HSF2BP: variants seen among roughly 807,000 people sequenced by gnomAD.
The protein encoded by HSF2BP is heat shock factor 2-binding protein.
HSF2BP carries 35 observed loss-of-function variants against 35.0 expected under a neutral mutation model. The observed-to-expected ratio is 1.00, with a 90% CI of 0.76 to 1.32. The LOEUF (loss-of-function observed/expected upper bound fraction) is 1.32, where lower values mean the gene tolerates loss of function less well. Ranked by LOEUF, HSF2BP falls within the 40% of genes most tolerant of loss-of-function variation. HSF2BP has a pLI of 0.00. For synonymous variants in HSF2BP, 114 were observed against 117.4 expected, an observed-to-expected ratio of 0.97 and a Z score of 0.18; for missense variants, 326 against 321.7, an observed-to-expected ratio of 1.01 and a Z score of -0.10.
At chr21:43,607,818 A>G (rs1304980181) in intron 7 of HSF2BP, among the ~76,000 whole-genome samples, 1 of 152,226 alleles carries the variant, frequency 6.6e-6, no homozygotes, top group African/African-American at 2.4e-5. Context: ...TTGACCTTTG[A>G]CAACATTGAC....
chr21:43,632,625 C>T (rs1454778752), intron 5 of HSF2BP, among the ~76,000 whole-genome samples: 1 of 152,184 alleles, frequency 6.6e-6, no homozygotes. Context: ...ACCTCTACCA[C>T]CCTTTAGACA....
intron 7 of HSF2BP, among the ~76,000 whole-genome samples, chr21:43,612,380 A>G (rs1016629318): frequency 2.6e-5 from 4 of 152,290 alleles, no homozygotes; most frequent in African/African-American, 9.6e-5. Flanking sequence ...GGCCGGGCGC[A>G]GGGGCTCACG....
chr21:43,631,479 C>T (rs1278979128), intron 5 of HSF2BP, among the ~76,000 whole-genome samples: 1 of 152,134 alleles, frequency 6.6e-6, no homozygotes, highest in Admixed American at 6.5e-5. Flanking sequence ...CTAGAATGAC[C>T]ACCTCATCAG....
chr21:43,592,161 G>A (rs781182053), intron 8 of HSF2BP, 64 bp downstream of exon 8: 69 of 1,062,986 alleles, frequency 6.5e-5, no homozygotes, highest in Middle Eastern at 6.0e-4. Flanking sequence ...CGTATGCCCC[G>A]TGGATAAGGG....
At chr21:43,625,816 C>T (rs1601688315) in intron 6 of HSF2BP, among the ~76,000 whole-genome samples, 2 of 152,140 alleles carry the variant, frequency 1.3e-5, no homozygotes, top group African/African-American at 4.8e-5. Flanking sequence ...CTATGTAAAC[C>T]ACCACAAACA....
chr21:43,626,590 T>C (rs1036579182), intron 6 of HSF2BP, among the ~76,000 whole-genome samples: 1 of 152,210 alleles, frequency 6.6e-6, no homozygotes, highest in Non-Finnish European at 1.5e-5. Flanking sequence ...ACACTGGTCT[T>C]GTATGGAAAA....
chr21:43,604,972 C>T (rs1306978188), intron 7 of HSF2BP, among the ~76,000 whole-genome samples: 2 of 147,976 alleles, frequency 1.4e-5, no homozygotes. Context: ...ACACTACACA[C>T]CACACACACA....
intron 8 of HSF2BP, among the ~76,000 whole-genome samples, chr21:43,574,809 C>T (rs941660186): frequency 1.3e-5 from 2 of 152,076 alleles, no homozygotes; most frequent in Admixed American, 6.5e-5. Flanking sequence ...TCCTCTGAGA[C>T]GGCTTCCTCT....
chr21:43,604,388 CCA>C (rs1444374355), intron 7 of HSF2BP, among the ~76,000 whole-genome samples: 7 of 136,010 alleles, frequency 5.1e-5, no homozygotes, highest in Admixed American at 1.5e-4. Context: ...CACACACACA[CCA>C]CACACACTAC....
intron 8 of HSF2BP, among the ~76,000 whole-genome samples, chr21:43,586,045 G>C (rs1427583746): frequency 6.6e-6 from 1 of 152,212 alleles, no homozygotes; most frequent in Non-Finnish European, 1.5e-5. Flanking sequence ...ATAGATGTAA[G>C]ATGGAAATAA....
Position 43,652,369 on chromosome 21 carries a change from C to CTCCA in HSF2BP, c.187+4214_187+4217dup, listed in dbSNP as rs566071588. Among the ~76,000 whole-genome samples the CTCCA allele has an allele frequency of 5.4e-3, 772 of 143,088 alleles. 3 individuals are homozygous for CTCCA. Among genetic ancestry groups the CTCCA allele is most frequent in the Non-Finnish European group, 7.7e-3 (516 of 66,766 alleles). The allele number at this position is 143,088 out of a possible 152,430, so 93.9% of individuals were successfully genotyped here. A position where few individuals can be genotyped will look rare whatever the true frequency, so the allele number is the denominator to read the frequency against. On this transcript the variant is annotated intron_variant, in intron 3 of 8. Transcript: ENST00000291560. ...AGTGAGCTGAGATCACACCACTGCACTCCAGCCTGGGAGACAGAGCCAGAC... is the reference window on the plus strand; with the variant it reads ...AGTGAGCTGAGATCACACCACTGCACTCCATCCAGCCTGGGAGACAGAGCCAGAC...
intron 3 of HSF2BP, among the ~76,000 whole-genome samples, chr21:43,649,057 T>C (rs1411146025): frequency 6.6e-6 from 1 of 152,036 alleles, no homozygotes; most frequent in African/African-American, 2.4e-5. Context: ...ATTTATTTAA[T>C]TAAAAAAATT....
chr21:43,578,396 C>T (rs1315579533), intron 8 of HSF2BP, among the ~76,000 whole-genome samples: 2 of 151,982 alleles, frequency 1.3e-5, no homozygotes, highest in Admixed American at 1.3e-4. Context: ...CTCTATGAAA[C>T]TCCCTTCTCT....
intron 6 of HSF2BP, among the ~76,000 whole-genome samples, chr21:43,616,052 A>AAAAATAT (rs57115434): frequency 6.9e-6 from 1 of 143,974 alleles, no homozygotes; most frequent in African/African-American, 2.6e-5. Context: ...AAAAAAAAAA[A>AAAAATAT]ATATATATAT....
At chr21:43,608,474 A>G (rs1173612379) in intron 7 of HSF2BP, among the ~76,000 whole-genome samples, 2 of 152,186 alleles carry the variant, frequency 1.3e-5, no homozygotes, top group Non-Finnish European at 2.9e-5. Context: ...CACTGAAAAA[A>G]GGGAACTCGT....
chr21:43,598,882 T>C (rs942513461), intron 7 of HSF2BP, among the ~76,000 whole-genome samples: 3 of 152,182 alleles, frequency 2.0e-5, no homozygotes, highest in African/African-American at 4.8e-5. Flanking sequence ...GAATTAAATA[T>C]ATTGCCCAAG....
intron 7 of HSF2BP, among the ~76,000 whole-genome samples, chr21:43,600,581 ATGACT>A (rs1470129318): frequency 4.6e-5 from 7 of 152,252 alleles, no homozygotes; most frequent in Non-Finnish European, 1.0e-4. Context: ...ACAGTAAGTA[ATGACT>A]TAACAGACTT....
chr21:43,595,976 T>C (rs1415856078), intron 7 of HSF2BP, among the ~76,000 whole-genome samples: 2 of 151,886 alleles, frequency 1.3e-5, no homozygotes, highest in Non-Finnish European at 2.9e-5. Context: ...CACCTCAGCC[T>C]CCCAACGTGC....
At chr21:43,653,061 G>C (rs2082812113) in intron 3 of HSF2BP, among the ~76,000 whole-genome samples, 1 of 152,002 alleles carries the variant, frequency 6.6e-6, no homozygotes, top group Non-Finnish European at 1.5e-5. Context: ...CTTGAACCCA[G>C]GGGGCAGAGG....
Sources: allele counts gnomAD v4.1 joint callset (sites outside exome capture counted in the v4.1 genomes callset), GRCh38; gene constraint gnomAD v4.1.1; transcripts MANE v1.5; gene names NCBI Gene and HGNC (gene_info 2026-07-23, HGNC 2026-07-21).